Variants in MYBPC2 observed in about 807,000 individuals in gnomAD.
The protein encoded by MYBPC2 is myosin binding protein C2, also known as myosin-binding protein C, fast-type.
Under a neutral mutation model 137.0 loss-of-function variants are expected in MYBPC2, and 122 were observed. That is an observed-to-expected ratio of 0.89 (90% CI 0.77 to 1.03). The LOEUF (loss-of-function observed/expected upper bound fraction) is 1.03, where lower values mean the gene tolerates loss of function less well. MYBPC2 is among the 50% of genes least tolerant of loss of function. MYBPC2 has a pLI of 0.00. For synonymous variants in MYBPC2, 626 were observed against 612.3 expected (o/e 1.02, Z -0.33); for missense variants, 1,500 against 1,534.4 (o/e 0.98, Z 0.37).
chr19:50,441,203 C>A, intron 8 of MYBPC2, 127 bp downstream of exon 8: 1 of 1,049,572 alleles, frequency 9.5e-7, no homozygotes, highest in Non-Finnish European at 1.3e-6. Flanking sequence ...AGACCCAACT[C>A]TAGCGGTGGG....
intron 11 of MYBPC2, among the ~76,000 whole-genome samples, chr19:50,445,558 A>C (rs1304451634): frequency 6.6e-6 from 1 of 151,572 alleles, no homozygotes; most frequent in East Asian, 1.9e-4. Flanking sequence ...ACACCTGCCT[A>C]ATTTTTTATT....
In MYBPC2 at chr19:50,461,937, C is replaced by A. The variant is rs1342029025; in HGVS notation, c.3129C>A (p.Asp1043Glu). The A allele has an allele frequency of 6.3e-7, 1 of 1,595,236 alleles. No homozygotes were observed. Among genetic ancestry groups the A allele is most frequent in the South Asian group, 1.1e-5 (1 of 87,974 alleles). The change falls in exon 26 of 28, where the codon GAC becomes GAA. Residue 1043 changes from aspartate to glutamate, a missense_variant. By Grantham distance (45) the Asp-to-Glu change is conservative (BLOSUM62 2). Transcript: ENST00000357701. ...TFKPFEYKEH[D>E]FRMAPKFLTP... Reference sequence around the variant, plus strand: ...AACCGTTCGAGTATAAGGAGCATGACTTCCGGATGGCTCCCAAGTTCCTGA... The same window carrying A: ...AACCGTTCGAGTATAAGGAGCATGAATTCCGGATGGCTCCCAAGTTCCTGA...
rs375017024 is a variant in MYBPC2, at chr19:50,464,499, G to C, written c.3382G>C (p.Glu1128Gln). The C allele has an allele frequency of 6.2e-7, 1 of 1,612,274 alleles. No homozygotes were observed. Among genetic ancestry groups the C allele is most frequent in the African/African-American group, 1.3e-5 (1 of 74,926 alleles). ...CTGCCGGGCCGTCAACGAGCTGGGC[G>C]AGGCGCTGGCTGAGTGCAAGCTGGA... ...YTCRAVNELG[E>Q]ALAECKLEVR... The change falls in exon 27 of 28, where the codon GAG becomes CAG. Residue 1128 changes from glutamate (E) to glutamine (Q), a missense_variant. Glu to Gln is a conservative substitution (Grantham distance 29). Transcript: ENST00000357701.
Position 50,442,816 on chromosome 19 carries a change from T to C in MYBPC2, c.902+503T>C, listed in dbSNP as rs2039768485. Among the ~76,000 whole-genome samples the C allele has an allele frequency of 4.0e-5, 6 of 151,874 alleles. No individual in the cohort carries two copies. The South Asian group carries it at 1.3e-3, about 32-fold the overall frequency. ...TTTTGAGACAGAGTTTCGCTCTTGT[T>C]GCCCAGGCTGGAGTGCAATGGCATG... On this transcript the variant is annotated intron_variant, in intron 9 of 27. Transcript: ENST00000357701.
intron 12 of MYBPC2, 96 bp downstream of exon 12, chr19:50,446,148 ACTCCT>A: frequency 7.3e-7 from 1 of 1,378,548 alleles, no homozygotes; most frequent in Non-Finnish European, 9.8e-7. Flanking sequence ...GTTGTTCCTG[ACTCCT>A]CTCTTTCCCA....
intron 1 of MYBPC2, among the ~76,000 whole-genome samples, chr19:50,433,552 A>C (rs1278736285): frequency 6.6e-6 from 1 of 151,938 alleles, no homozygotes; most frequent in Admixed American, 6.5e-5. Context: ...CTGCGCCACC[A>C]TGCCTGGCTA....
Position 50,466,099 on chromosome 19 carries a change from TC to T in MYBPC2, c.3416-91del, listed in dbSNP as rs2122627162. ...GGGCGGGATGGTGACCGTCATCCTG[TC>T]CCCCTGCTGGTCATGTGGATGCAGC... On this transcript the variant is annotated intron_variant, in intron 27 of 27. Transcript: ENST00000357701. The surrounding 1 kb of genome is among the most constrained non-coding windows in gnomAD (Gnocchi z 4.9). The T allele has an allele frequency of 2.6e-6, 4 of 1,540,106 alleles. No homozygotes were observed. In the South Asian group the frequency reaches 3.4e-5, roughly 13 times the overall value.
At chr19:50,449,359 C>T (rs370110911) in intron 13 of MYBPC2, among the ~76,000 whole-genome samples, 26 of 152,296 alleles carry the variant, frequency 1.7e-4, no homozygotes, top group African/African-American at 2.6e-4. Flanking sequence ...CCCAGCACGC[C>T]GCTCCCTATG....
At chr19:50,438,213 AC>A (rs2122579830) in intron 7 of MYBPC2, among the ~76,000 whole-genome samples, 2 of 152,122 alleles carry the variant, frequency 1.3e-5, no homozygotes, top group East Asian at 3.9e-4. Context: ...CCATCCGTTA[AC>A]CACCATTTTC....
chr19:50,459,132 G>A lies in MYBPC2; in HGVS notation c.2617G>A (p.Val873Met), dbSNP rs1474323385. 5 of 1,576,666 alleles carry A rather than the reference G, an allele frequency of 3.2e-6. No individual in the cohort carries two copies. Among genetic ancestry groups the A allele is most frequent in the Non-Finnish European group, 4.3e-6 (5 of 1,163,428 alleles). The change falls in exon 23 of 28, where the codon GTG (valine) becomes ATG (methionine). Residue 873 changes from valine (V) to methionine (M), a missense_variant. Transcript: ENST00000357701. ...PFQGKPRPQV[V>M]WTKGGAPLDT... ...GCAGGGAAAGCCCCGGCCCCAGGTG[G>A]TGTGGACCAAGGGCGGGGCCCCGCT...
chr19:50,455,086 C>T, intron 18 of MYBPC2, 22 bp from the exon 19 acceptor site: 1 of 1,595,270 alleles, frequency 6.3e-7, no homozygotes. Context: ...TCCCTCTTCT[C>T]CTCTCTGCTT....
At position 50,465,554 on chromosome 19, in the gene MYBPC2, C is replaced by A. The variant is rs2040008312; in HGVS notation, c.3416-641C>A. On this transcript the variant is annotated intron_variant, in intron 27 of 27. Coordinates refer to ENST00000357701, the MANE Select transcript of MYBPC2 (RefSeq NM_004533.4). This position sits in a 1 kb window ranked among gnomAD's most constrained non-coding sequence, Gnocchi z 4.5. ...CCTTAACAAAGGCTCAGAGAGGACA[C>A]TTTCTAGCCAAGCACGGTGGCTCTC... 6.6e-6 allele frequency among the ~76,000 whole-genome samples: 1 copy of A among 152,186 alleles called. No homozygotes were observed.
rs749965113 is a variant in MYBPC2, at chr19:50,461,904, C to T, written c.3096C>T (p.Ile1032=). ...GGGTGCATCCTCTCTCCCCAGGAAT[C>T]ACCTTCAAACCGTTCGAGTATAAGG... is the stretch of plus-strand genomic sequence containing the variant. ...KNTARILKTG[I]TFKPFEYKEH... Residue 1032 remains isoleucine, a synonymous_variant, in exon 26 of 28, where the codon ATC becomes ATT. Coordinates refer to ENST00000357701, the MANE Select transcript of MYBPC2 (RefSeq NM_004533.4). 1.9e-6 allele frequency: 3 copies of T among 1,596,616 alleles called. No homozygotes were observed. In the South Asian group the frequency reaches 3.4e-5, roughly 18 times the overall value.
chr19:50,461,853 G>A, intron 25 of MYBPC2, 47 bp from the exon 26 acceptor site: 2 of 1,580,712 alleles, frequency 1.3e-6, no homozygotes, highest in East Asian at 2.3e-5. Flanking sequence ...TTGGTGTCAG[G>A]GGAGAATCTA....
chr19:50,444,608 C>T (rs766232313), intron 11 of MYBPC2, among the ~76,000 whole-genome samples: 2 of 152,060 alleles, frequency 1.3e-5, no homozygotes, highest in African/African-American at 2.4e-5. Flanking sequence ...TGGCCGGGCG[C>T]GGTGGCTCAC....
intron 20 of MYBPC2, among the ~76,000 whole-genome samples, chr19:50,456,201 C>G (rs554984564): frequency 1.3e-5 from 2 of 150,472 alleles, no homozygotes; most frequent in Admixed American, 1.3e-4. Flanking sequence ...ATTTATCCAT[C>G]CATCCACCCA....
rs1402863683 is a variant in MYBPC2 at position 50,451,831 on chromosome 19, C to T, written c.1610-33C>T. The T allele has an allele frequency of 2.5e-6, 4 of 1,576,446 alleles. No homozygotes were observed. The East Asian group carries it at 9.3e-5, about 37-fold the overall frequency. ...AACTGGGAAGGCCCAGCCTCCCACTCCCAGGGTCCCTGTATCTCTTCTGTG... is the reference window on the plus strand; with the variant it reads ...AACTGGGAAGGCCCAGCCTCCCACTTCCAGGGTCCCTGTATCTCTTCTGTG... On this transcript the variant is annotated intron_variant, in intron 15 of 27. Coordinates refer to ENST00000357701, the MANE Select transcript of MYBPC2 (RefSeq NM_004533.4).
At chr19:50,441,505 C>G (rs191646659) in intron 8 of MYBPC2, among the ~76,000 whole-genome samples, 299 of 152,306 alleles carry the variant, frequency 2.0e-3, no homozygotes, top group African/African-American at 7.0e-3. Flanking sequence ...AGCCCTGTTC[C>G]GCAGGAGCAG....
chr19:50,446,133 T>A, intron 12 of MYBPC2, 81 bp downstream of exon 12: 1 of 1,462,350 alleles, frequency 6.8e-7, no homozygotes, highest in Non-Finnish European at 9.2e-7. Context: ...CCCCCCAGTC[T>A]GGAAGTTGTT....
Sources: gnomAD v4.1 joint callset for allele counts (sites outside exome capture counted in the v4.1 genomes callset) on GRCh38, gnomAD v4.1.1 for gene constraint, Gnocchi (gnomAD v3.1) non-coding constraint, MANE v1.5 for transcripts, NCBI Gene and HGNC (gene_info 2026-07-23, HGNC 2026-07-21) for gene names.